Variants in KAZN observed in about 807,000 individuals in gnomAD.
KAZN encodes the protein kazrin, periplakin interacting protein.
A neutral mutation model predicts 87.4 loss-of-function variants in KAZN; 40 were observed. That is an observed-to-expected ratio of 0.46 (90% CI 0.36 to 0.60). The LOEUF (loss-of-function observed/expected upper bound fraction) is 0.60, where lower values mean the gene tolerates loss of function less well. Ranked by LOEUF, KAZN falls within the 20% of genes least tolerant of loss-of-function variation. The pLI, the probability that KAZN is intolerant of heterozygous loss-of-function variation, is 0.00. For missense variants in KAZN, 898 were observed against 1,073.9 expected, an observed-to-expected ratio of 0.84 and a Z score of 2.29; for synonymous variants, 466 against 458.3, an observed-to-expected ratio of 1.02 and a Z score of -0.22.
rs577934893 is a variant in KAZN, at chr1:15,029,382, A to C, written c.419-5367A>C. On this transcript the variant is annotated intron_variant, in intron 2 of 14. Coordinates refer to ENST00000376030, the MANE Select transcript of KAZN (RefSeq NM_201628.3). ...GAGAGCCGCAGGTCCCCTCTTAGGCAGAAGCGAATAATCTAAAGGCACAGG... is the reference window on the plus strand; with the variant it reads ...GAGAGCCGCAGGTCCCCTCTTAGGCCGAAGCGAATAATCTAAAGGCACAGG... 5.3e-5 allele frequency among the ~76,000 whole-genome samples: 8 copies of C among 152,348 alleles called. No homozygotes were observed. The East Asian group carries it at 1.5e-3, about 29-fold the overall frequency.
chr1:14,154,953 TCTTCCTTCCTTCCTTCCTTC>T (rs77458563), intron 1 of KAZN, among the ~76,000 whole-genome samples: 5 of 134,794 alleles, frequency 3.7e-5, no homozygotes, highest in East Asian at 2.3e-4. Context: ...TTGTAGTTTT[TCTTCCTTCCTTCCTTCCTTC>T]CTTCCTTCCT....
chr1:14,339,367 A>G (rs2100900894), intron 2 of KAZN, among the ~76,000 whole-genome samples: 1 of 152,256 alleles, frequency 6.6e-6, no homozygotes, highest in Middle Eastern at 3.4e-3. Context: ...GGCATAGGAG[A>G]GGAGAGAAAA....
At chr1:14,969,257 A>G (rs144953226) in intron 2 of KAZN, among the ~76,000 whole-genome samples, 19 of 152,354 alleles carry the variant, frequency 1.2e-4, no homozygotes, top group African/African-American at 4.3e-4. Context: ...TTGAAAAGCT[A>G]CTTGATGTTT....
chr1:14,763,488 C>T (rs1644800948), intron 1 of KAZN, among the ~76,000 whole-genome samples: 2 of 152,210 alleles, frequency 1.3e-5, no homozygotes, highest in Admixed American at 6.5e-5. Context: ...TAGGAGAGAA[C>T]AGAATTAGAG....
intron 2 of KAZN, among the ~76,000 whole-genome samples, chr1:14,278,874 G>T (rs1303861924): frequency 1.4e-5 from 2 of 139,564 alleles, no homozygotes; most frequent in African/African-American, 5.5e-5. Flanking sequence ...TCCCTCCTCT[G>T]TATTTTCTGT....
intron 2 of KAZN, among the ~76,000 whole-genome samples, chr1:14,323,057 CATGAGAACTT>C (rs1557639263): frequency 6.6e-6 from 1 of 152,164 alleles, no homozygotes; most frequent in Non-Finnish European, 1.5e-5. Flanking sequence ...CATTAGATCT[CATGAGAACTT>C]ACTACTACAA....
chr1:14,063,533 T>G (rs1642877445), intron 1 of KAZN, among the ~76,000 whole-genome samples: 1 of 152,184 alleles, frequency 6.6e-6, no homozygotes, highest in Non-Finnish European at 1.5e-5. Context: ...GTGATTCTTC[T>G]AACAGAATAG....
chr1:14,124,594 GA>G (rs964951898), intron 1 of KAZN, among the ~76,000 whole-genome samples: 8 of 152,206 alleles, frequency 5.3e-5, no homozygotes, highest in African/African-American at 1.9e-4. Context: ...GAAAAAGAAG[GA>G]AAGATCTTTT....
intron 1 of KAZN, among the ~76,000 whole-genome samples, chr1:14,837,579 G>T (rs1268614818): frequency 7.3e-6 from 1 of 137,578 alleles, no homozygotes. Flanking sequence ...TTGAGACAGG[G>T]TCTTGCTCTG....
At chr1:14,315,432 T>G (rs1452488186) in intron 2 of KAZN, among the ~76,000 whole-genome samples, 1 of 152,158 alleles carries the variant, frequency 6.6e-6, no homozygotes, top group Admixed American at 6.6e-5. Context: ...CATATATACT[T>G]TAATTATACA....
At chr1:14,811,761 A>C (rs1174100795) in intron 1 of KAZN, among the ~76,000 whole-genome samples, 2 of 152,224 alleles carry the variant, frequency 1.3e-5, no homozygotes, top group African/African-American at 4.8e-5. Context: ...GTGATACATC[A>C]AATGATAGTG....
chr1:14,271,776 G>A (rs1040047684), intron 2 of KAZN, among the ~76,000 whole-genome samples: 1 of 152,128 alleles, frequency 6.6e-6, no homozygotes, highest in African/African-American at 2.4e-5. Flanking sequence ...ATGTTGAATC[G>A]AGTGCCCATT....
intron 2 of KAZN, among the ~76,000 whole-genome samples, chr1:15,003,693 G>A (rs902132532): frequency 2.0e-5 from 3 of 152,216 alleles, no homozygotes; most frequent in South Asian, 4.2e-4. Context: ...GGTGGGGGAC[G>A]GGCATTGCCT....
chr1:14,643,634 G>A (rs138476549), intron 1 of KAZN, among the ~76,000 whole-genome samples: 313 of 152,196 alleles, frequency 2.1e-3, no homozygotes, highest in African/African-American at 6.9e-3. Flanking sequence ...GAACATTTGC[G>A]TGCATGTATC....
chr1:15,021,032 G>C lies in KAZN; in HGVS notation c.419-13717G>C, dbSNP rs1227661796. 6.6e-6 allele frequency among the ~76,000 whole-genome samples: 1 copy of C among 152,156 alleles called. No homozygotes were observed. The highest frequency in any genetic ancestry group is 1.9e-4 in the East Asian group (1 of 5,196). ...GCTGTGTCTCTGTTACGCAGCAGGG[G>C]TGAGACCAGTCCATATCACTAGGCA... On this transcript the variant is annotated intron_variant, in intron 2 of 14. Coordinates refer to ENST00000376030, the MANE Select transcript of KAZN (RefSeq NM_201628.3). The surrounding 1 kb of genome is among the most constrained non-coding windows in gnomAD (Gnocchi z 4.2).
At chr1:14,938,400 G>A (rs1396911692) in intron 1 of KAZN, among the ~76,000 whole-genome samples, 1 of 152,138 alleles carries the variant, frequency 6.6e-6, no homozygotes, top group East Asian at 1.9e-4. Context: ...AAATTAGCCA[G>A]GCGTGGTGGT....
At chr1:13,907,850 A>T (rs1479273353) in intron 1 of KAZN, among the ~76,000 whole-genome samples, 2 of 152,154 alleles carry the variant, frequency 1.3e-5, no homozygotes, top group African/African-American at 4.8e-5. Flanking sequence ...GGCTTGGATG[A>T]TACTTCTTGT....
At position 14,471,888 on chromosome 1, in the gene KAZN, T is replaced by C. The variant is rs540300267; in HGVS notation, c.250-127095T>C. Among the ~76,000 whole-genome samples the C allele has an allele frequency of 1.6e-3, 248 of 152,280 alleles. 2 individuals are homozygous for C. Among genetic ancestry groups the C allele is most frequent in the South Asian group, 0.012 (58 of 4,820 alleles). On this transcript the variant is annotated intron_variant, in intron 2 of 16. Coordinates refer to the KAZN transcript ENST00000636203. ...TTTGAATTGTTACCATGTTACAGAG[T>C]CTCAGAAGCTCTAGGACTATGTATT...
At chr1:14,138,758 A>G (rs1241558044) in intron 1 of KAZN, among the ~76,000 whole-genome samples, 3 of 152,154 alleles carry the variant, frequency 2.0e-5, no homozygotes, top group East Asian at 3.9e-4. Context: ...GCGTGTGTTC[A>G]TGCTTTCTTT....
Sources: gnomAD v4.1 joint callset for allele counts (sites outside exome capture counted in the v4.1 genomes callset) on GRCh38, gnomAD v4.1.1 for gene constraint, Gnocchi (gnomAD v3.1) non-coding constraint, MANE v1.5 for transcripts, NCBI Gene and HGNC (gene_info 2026-07-23, HGNC 2026-07-21) for gene names.